Variants in MAST4 observed in about 807,000 individuals in gnomAD.
MAST4 encodes the protein microtubule associated serine/threonine kinase family member 4, also known as microtubule-associated serine/threonine-protein kinase 4.
In MAST4, 89 loss-of-function variants were observed where a neutral mutation model predicts 162.7. That is an observed-to-expected ratio of 0.55 (90% CI 0.46 to 0.65). MAST4 has a LOEUF of 0.65. MAST4 is among the 30% of genes least tolerant of loss of function. MAST4 has a pLI of 0.00. For synonymous variants in MAST4, 1,479 were observed against 1,361.1 expected (o/e 1.09, Z -1.91); for missense variants, 3,153 against 3,374.0 (o/e 0.93, Z 1.62).
Position 66,939,908 on chromosome 5 carries a change from C to G in MAST4, c.674+39926C>G, listed in dbSNP as rs568238500. ...TGCAATAGCATTCTGTCTACAAAAACAATGTACATTAGCCAGGCTGTGGTG... is the reference window on the plus strand; with the variant it reads ...TGCAATAGCATTCTGTCTACAAAAAGAATGTACATTAGCCAGGCTGTGGTG... On this transcript the variant is annotated intron_variant, in intron 4 of 28. Transcript: ENST00000403625. Among the ~76,000 whole-genome samples, 3 of 152,140 alleles carry G rather than the reference C, an allele frequency of 2.0e-5. No homozygotes were observed. The South Asian group carries it at 6.2e-4, about 32-fold the overall frequency.
chr5:66,597,243 T>C (rs942965176), intron 1 of MAST4, among the ~76,000 whole-genome samples: 1 of 152,192 alleles, frequency 6.6e-6, no homozygotes, highest in African/African-American at 2.4e-5. Context: ...GTGTGCTGCC[T>C]GATGGTGTGT....
intron 1 of MAST4, among the ~76,000 whole-genome samples, chr5:66,647,461 A>G (rs1433568344): frequency 6.6e-5 from 10 of 152,182 alleles, no homozygotes; most frequent in African/African-American, 2.4e-4. Context: ...TAAAAAATCA[A>G]TAATGTATAA....
chr5:66,883,695 G>A (rs961056551), intron 3 of MAST4, among the ~76,000 whole-genome samples: 2 of 152,072 alleles, frequency 1.3e-5, no homozygotes, highest in African/African-American at 2.4e-5. Context: ...CCAAAGTGCT[G>A]GGATTACAGG....
At chr5:66,759,631 A>T in intron 1 of MAST4, 78 bp from the exon 2 acceptor site, 2 of 1,520,868 alleles carry the variant, frequency 1.3e-6, no homozygotes, top group Non-Finnish European at 1.8e-6. Flanking sequence ...AAAGGAAGAA[A>T]AAGTGTGAAT....
At chr5:66,778,111 G>T (rs965033308) in intron 2 of MAST4, among the ~76,000 whole-genome samples, 1 of 152,220 alleles carries the variant, frequency 6.6e-6, no homozygotes, top group African/African-American at 2.4e-5. Flanking sequence ...CGTCACGCAG[G>T]CATTCATTCA....
chr5:66,975,125 C>T (rs1747968461), intron 4 of MAST4, among the ~76,000 whole-genome samples: 1 of 152,046 alleles, frequency 6.6e-6, no homozygotes, highest in Non-Finnish European at 1.5e-5. Context: ...GGATTTGGCC[C>T]ACAGAGAAGC....
In MAST4 at chr5:67,155,086, A is replaced by G. The variant is rs530732848; in HGVS notation, c.3648+1506A>G. On this transcript the variant is annotated intron_variant, in intron 26 of 28. Transcript: ENST00000403625. ...GACAGGGGTGTAGGTGTATGTTTAG[A>G]ACTGCATGACTACCTGTATAGTGTT... Among the ~76,000 whole-genome samples, 5 of 152,332 alleles carry G rather than the reference A, an allele frequency of 3.3e-5. No homozygotes were observed. The South Asian group carries it at 1.0e-3, about 32-fold the overall frequency.
intron 5 of MAST4, 37 bp downstream of exon 5, chr5:67,054,529 C>T: frequency 3.3e-6 from 5 of 1,528,678 alleles, no homozygotes; most frequent in Non-Finnish European, 4.4e-6. Flanking sequence ...TGTTTTATTT[C>T]TTTATTTGTT....
chr5:66,811,735 G>C (rs561956712), intron 3 of MAST4, among the ~76,000 whole-genome samples: 91 of 152,234 alleles, frequency 6.0e-4, no homozygotes, highest in African/African-American at 2.0e-3. Context: ...GGAGCAAATG[G>C]GCAATGAAAA....
At chr5:66,887,963 C>G (rs1762143107) in intron 3 of MAST4, among the ~76,000 whole-genome samples, 1 of 151,930 alleles carries the variant, frequency 6.6e-6, no homozygotes, top group Admixed American at 6.6e-5. Context: ...AATCCCAGCA[C>G]TTTGGGAGGC....
chr5:66,614,322 T>C (rs2149398377), intron 1 of MAST4, among the ~76,000 whole-genome samples: 1 of 152,326 alleles, frequency 6.6e-6, no homozygotes, highest in South Asian at 2.1e-4. Flanking sequence ...ACTCTGGACT[T>C]TTGAAATTTG....
At chr5:66,775,017 GTGTGTGTGTGTGTGTGTGTA>G (rs1184375491) in intron 2 of MAST4, among the ~76,000 whole-genome samples, 7 of 147,700 alleles carry the variant, frequency 4.7e-5, no homozygotes, top group South Asian at 2.3e-4. Flanking sequence ...GTGTGTGTGT[GTGTGTGTGTGTGTGTGTGTA>G]TGTGTGTGTT....
At chr5:67,146,616 G>T (rs1771113508) in intron 23 of MAST4, among the ~76,000 whole-genome samples, 1 of 151,900 alleles carries the variant, frequency 6.6e-6, no homozygotes, top group South Asian at 2.1e-4. Flanking sequence ...AATCATTTCA[G>T]GAAAAATTTT....
rs115206503 is a variant in MAST4 at position 66,990,590 on chromosome 5, G to A, written c.675-63814G>A. ...GGAGATCGAGGCTGTAGTGAGCTAC[G>A]ATCATGCCACTGCACTCCAGCCTGG... On this transcript the variant is annotated intron_variant, in intron 4 of 28. Coordinates refer to ENST00000403625, the MANE Select transcript of MAST4 (RefSeq NM_001164664.2). Among the ~76,000 whole-genome samples, 252 of 152,308 alleles carry A rather than the reference G, an allele frequency of 1.7e-3. 2 individuals are homozygous for A. Among genetic ancestry groups the A allele is most frequent in the African/African-American group, 5.8e-3 (241 of 41,574 alleles).
intron 1 of MAST4, among the ~76,000 whole-genome samples, chr5:66,710,052 T>G (rs1250361871): frequency 6.6e-6 from 1 of 152,228 alleles, no homozygotes; most frequent in Admixed American, 6.5e-5. Flanking sequence ...GCCTCTCTCC[T>G]TACTTTGCTG....
At chr5:67,092,460 C>A (rs1763971760) in intron 6 of MAST4, among the ~76,000 whole-genome samples, 1 of 151,998 alleles carries the variant, frequency 6.6e-6, no homozygotes. Flanking sequence ...AAGTGAGAAC[C>A]ATAGTATAGA....
At chr5:67,012,515 T>C (rs1752814532) in intron 4 of MAST4, among the ~76,000 whole-genome samples, 1 of 152,156 alleles carries the variant, frequency 6.6e-6, no homozygotes, top group South Asian at 2.1e-4. Flanking sequence ...TGAGTAATCC[T>C]TTTGAAACTT....
At chr5:66,824,189 G>C (rs1057346211) in intron 3 of MAST4, among the ~76,000 whole-genome samples, 1 of 152,194 alleles carries the variant, frequency 6.6e-6, no homozygotes, top group Admixed American at 6.5e-5. Flanking sequence ...TTGAGAAGTA[G>C]TGATCACGGT....
intron 3 of MAST4, among the ~76,000 whole-genome samples, chr5:66,802,767 C>T (rs2149699534): frequency 6.6e-6 from 1 of 152,202 alleles, no homozygotes; most frequent in East Asian, 1.9e-4. Context: ...TGCAATATAC[C>T]TTTCCCAATT....
Sources: gnomAD v4.1 joint callset for allele counts (sites outside exome capture counted in the v4.1 genomes callset) on GRCh38, gnomAD v4.1.1 for gene constraint, MANE v1.5 for transcripts, NCBI Gene and HGNC (gene_info 2026-07-23, HGNC 2026-07-21) for gene names.